The following PRKG1 variants were observed in gnomAD, a reference collection of about 807,000 sequenced individuals.
The protein encoded by PRKG1 is cGMP-dependent protein kinase 1.
Under a neutral mutation model 88.1 loss-of-function variants are expected in PRKG1, and 35 were observed. The ratio of observed to expected loss-of-function variants is 0.40; its 90% CI spans 0.30 to 0.53. The LOEUF (loss-of-function observed/expected upper bound fraction) is 0.53. Ranked by LOEUF, PRKG1 falls within the 20% of genes least tolerant of loss-of-function variation. The pLI, the probability that PRKG1 is intolerant of heterozygous loss-of-function variation, is 0.59. For missense variants in PRKG1, 540 were observed against 839.8 expected (o/e 0.64, Z 4.41); for synonymous variants, 303 against 292.5 (o/e 1.04, Z -0.37).
chr10:52,049,585 T>C (rs1485576330), intron 5 of PRKG1, among the ~76,000 whole-genome samples: 1 of 151,996 alleles, frequency 6.6e-6, no homozygotes, highest in Non-Finnish European at 1.5e-5. Flanking sequence ...ATAGAGGGGA[T>C]GGTTTGGGGT....
At chr10:52,196,666 A>C (rs1194651360) in intron 9 of PRKG1, among the ~76,000 whole-genome samples, 1 of 152,192 alleles carries the variant, frequency 6.6e-6, no homozygotes, top group Non-Finnish European at 1.5e-5. Context: ...TGAACTTGCT[A>C]ATGCAGCATT....
At chr10:51,025,226 C>T (rs1386425579) in intron 1 of PRKG1, among the ~76,000 whole-genome samples, 1 of 152,158 alleles carries the variant, frequency 6.6e-6, no homozygotes, top group Non-Finnish European at 1.5e-5. Context: ...AGTGAAATAT[C>T]AAAATTCCAA....
intron 3 of PRKG1, among the ~76,000 whole-genome samples, chr10:51,772,930 A>T (rs1467297817): frequency 2.0e-5 from 3 of 152,108 alleles, no homozygotes; most frequent in African/African-American, 7.2e-5. Flanking sequence ...TTTGCTCTCC[A>T]GTCTAATTTT....
intron 3 of PRKG1, among the ~76,000 whole-genome samples, chr10:51,738,722 C>G (rs1837355784): frequency 6.6e-6 from 1 of 152,036 alleles, no homozygotes; most frequent in African/African-American, 2.4e-5. Flanking sequence ...CTCTGGGACT[C>G]CATTTATTGG....
At chr10:51,031,811 T>A (rs571336924) in intron 1 of PRKG1, among the ~76,000 whole-genome samples, 4 of 152,282 alleles carry the variant, frequency 2.6e-5, no homozygotes, top group African/African-American at 9.6e-5. Context: ...TTATTATATA[T>A]CTCATCATAT....
intron 7 of PRKG1, among the ~76,000 whole-genome samples, chr10:52,077,903 C>G (rs989326050): frequency 6.6e-6 from 1 of 151,994 alleles, no homozygotes; most frequent in African/African-American, 2.4e-5. Flanking sequence ...ATGGATAACT[C>G]GAACCATGCA....
chr10:52,084,425 C>G (rs753764419), intron 7 of PRKG1, among the ~76,000 whole-genome samples: 15 of 151,904 alleles, frequency 9.9e-5, no homozygotes, highest in Admixed American at 2.6e-4. Flanking sequence ...CCATGTTTTT[C>G]ACAAATTTGA....
intron 7 of PRKG1, among the ~76,000 whole-genome samples, chr10:52,085,626 G>A (rs750661993): frequency 3.9e-5 from 6 of 152,016 alleles, no homozygotes; most frequent in Non-Finnish European, 8.8e-5. Context: ...GGAGTCAAGG[G>A]CTATAAGAGC....
intron 2 of PRKG1, among the ~76,000 whole-genome samples, chr10:51,261,881 A>ATTTTTTTGTTTTTTTTTTT (rs1839715798): frequency 8.3e-6 from 1 of 120,634 alleles, no homozygotes; most frequent in African/African-American, 3.5e-5. Context: ...GGATTTTCTA[A>ATTTTTTTGTTTTTTTTTTT]TTTTTTTTTT....
chr10:51,106,373 G>A (rs1174119809), intron 1 of PRKG1, among the ~76,000 whole-genome samples: 1 of 152,144 alleles, frequency 6.6e-6, no homozygotes, highest in Non-Finnish European at 1.5e-5. Context: ...TTTAAGACAC[G>A]ATGGTTCAGC....
At chr10:51,120,429 T>C (rs1845232337) in intron 1 of PRKG1, among the ~76,000 whole-genome samples, 1 of 152,038 alleles carries the variant, frequency 6.6e-6, no homozygotes, top group African/African-American at 2.4e-5. Flanking sequence ...TATATCACTA[T>C]TTTTTTAGGC....
intron 4 of PRKG1, among the ~76,000 whole-genome samples, chr10:51,896,152 G>T (rs1053111194): frequency 6.6e-6 from 1 of 152,132 alleles, no homozygotes; most frequent in Non-Finnish European, 1.5e-5. Context: ...TTTTAAAAAT[G>T]AAGAAAAGGA....
chr10:52,120,057 G>A (rs935092110), intron 7 of PRKG1, among the ~76,000 whole-genome samples: 2 of 151,996 alleles, frequency 1.3e-5, no homozygotes, highest in African/African-American at 4.8e-5. Flanking sequence ...CAGAGACAGA[G>A]AGAGAGAGAA....
At chr10:51,147,912 A>G (rs561213827) in intron 1 of PRKG1, among the ~76,000 whole-genome samples, 16 of 152,166 alleles carry the variant, frequency 1.1e-4, no homozygotes, top group Non-Finnish European at 2.1e-4. Context: ...ATAACTTTGC[A>G]GGATTAAATT....
chr10:52,277,767 T>A (rs1240171419), intron 12 of PRKG1, among the ~76,000 whole-genome samples: 1 of 152,192 alleles, frequency 6.6e-6, no homozygotes, highest in African/African-American at 2.4e-5. Context: ...ATTCAGAATA[T>A]AAGTATAATA....
chr10:52,108,529 T>C (rs567804900), intron 7 of PRKG1, among the ~76,000 whole-genome samples: 1 of 152,278 alleles, frequency 6.6e-6, no homozygotes, highest in East Asian at 1.9e-4. Flanking sequence ...GAATCGCATT[T>C]TGCTGTGTCA....
chr10:51,425,864 T>G (rs1251807342), intron 2 of PRKG1, among the ~76,000 whole-genome samples: 1 of 152,226 alleles, frequency 6.6e-6, no homozygotes, highest in Admixed American at 6.5e-5. Context: ...AAATGGACAC[T>G]TTAGGTGGAT....
At chr10:51,381,819 T>C (rs1837113020) in intron 2 of PRKG1, among the ~76,000 whole-genome samples, 1 of 152,226 alleles carries the variant, frequency 6.6e-6, no homozygotes, top group Non-Finnish European at 1.5e-5. Context: ...ATGTTTTAGC[T>C]TGATTGTTTA....
At chr10:51,826,302 C>T (rs1157780258) in intron 4 of PRKG1, among the ~76,000 whole-genome samples, 1 of 152,034 alleles carries the variant, frequency 6.6e-6, no homozygotes, top group Non-Finnish European at 1.5e-5. Context: ...TACTATAAAC[C>T]AATATAACTG....
Sources: gnomAD v4.1 joint callset for allele counts (sites outside exome capture counted in the v4.1 genomes callset) on GRCh38, gnomAD v4.1.1 for gene constraint, MANE v1.5 for transcripts, NCBI Gene and HGNC (gene_info 2026-07-23, HGNC 2026-07-21) for gene names.